TBL1X: variants seen among roughly 807,000 people sequenced by gnomAD.
The protein encoded by TBL1X is transducin beta like 1 X-linked.
TBL1X carries 10 observed loss-of-function variants against 50.7 expected under a neutral mutation model. The ratio of observed to expected loss-of-function variants is 0.20; its 90% CI spans 0.12 to 0.33. The LOEUF is 0.33. TBL1X is among the 10% of genes least tolerant of loss of function. The pLI is 1.00. For synonymous variants in TBL1X, 190 were observed against 214.7 expected (o/e 0.88, Z 1.01); for missense variants, 340 against 504.4 (o/e 0.67, Z 3.12).
chrX:9,604,446 A>T (rs1403477087), intron 2 of TBL1X, among the ~76,000 whole-genome samples: 1 of 110,262 alleles, frequency 9.1e-6, no homozygotes, highest in East Asian at 2.9e-4. Context: ...TGTTCTCTTA[A>T]CAGAAGGGCA....
chrX:9,707,899 T>G (rs2083219554), intron 13 of TBL1X, among the ~76,000 whole-genome samples: 1 of 112,664 alleles, frequency 8.9e-6, no homozygotes, highest in Non-Finnish European at 1.9e-5. Context: ...GATGTGGCCT[T>G]GTCACTGTCC....
At chrX:9,686,389 A>G (rs1402478522) in intron 6 of TBL1X, among the ~76,000 whole-genome samples, 1 of 112,248 alleles carries the variant, frequency 8.9e-6, no homozygotes, top group East Asian at 2.8e-4. Flanking sequence ...ATTTGTCACA[A>G]TGGTTTCTAA....
At chrX:9,556,833 A>G (rs1297693811) in intron 2 of TBL1X, among the ~76,000 whole-genome samples, 1 of 104,374 alleles carries the variant, frequency 9.6e-6, no homozygotes, top group Non-Finnish European at 2.0e-5. Context: ...TTGCTTTCTC[A>G]GTTTCTAGAG....
At chrX:9,519,450 C>A (rs1045777739) in intron 2 of TBL1X, among the ~76,000 whole-genome samples, 1 of 111,231 alleles carries the variant, frequency 9.0e-6, no homozygotes, top group Non-Finnish European at 1.9e-5. Context: ...ATTTCAGTTA[C>A]GTTGTGGGCT....
chrX:9,652,711 C>T (rs192200453), intron 3 of TBL1X, among the ~76,000 whole-genome samples: 4 of 110,895 alleles, frequency 3.6e-5, no homozygotes, highest in African/African-American at 1.3e-4. Flanking sequence ...ATTAGCTGGG[C>T]GTGCTGATGC....
intron 2 of TBL1X, among the ~76,000 whole-genome samples, chrX:9,522,752 T>C: frequency 8.9e-6 from 1 of 111,828 alleles, no homozygotes; most frequent in South Asian, 3.8e-4. Flanking sequence ...TGCCCCCACT[T>C]CTCTGCAGCA....
intron 2 of TBL1X, among the ~76,000 whole-genome samples, chrX:9,531,352 A>AGGG (rs757530571): frequency 1.4e-3 from 45 of 32,446 alleles, no homozygotes; most frequent in African/African-American, 3.3e-3. Flanking sequence ...AAGAACCTGG[A>AGGG]GGGTGTGTGT....
intron 2 of TBL1X, among the ~76,000 whole-genome samples, chrX:9,527,182 C>T (rs1025467329): frequency 2.7e-5 from 3 of 111,875 alleles, no homozygotes; most frequent in Non-Finnish European, 5.6e-5. Flanking sequence ...CGAGAGGGGG[C>T]GCAGTGTGAG....
At chrX:9,684,598 TAAAA>T (rs3043994) in intron 6 of TBL1X, among the ~76,000 whole-genome samples, 2 of 51,286 alleles carry the variant, frequency 3.9e-5, no homozygotes, top group East Asian at 1.1e-3. Flanking sequence ...TCTCTAAAAT[TAAAA>T]AAAAAAAAAA....
At chrX:9,656,848 A>G (rs1018646940) in intron 5 of TBL1X, among the ~76,000 whole-genome samples, 2 of 112,296 alleles carry the variant, frequency 1.8e-5, no homozygotes, top group African/African-American at 6.5e-5. Flanking sequence ...CTCAAGTCCT[A>G]AAGTTTTGGT....
intron 1 of TBL1X, among the ~76,000 whole-genome samples, chrX:9,484,795 A>C (rs1337919419): frequency 9.1e-6 from 1 of 109,313 alleles, no homozygotes; most frequent in Non-Finnish European, 1.9e-5. Context: ...GTTAAAACAC[A>C]GAGCATCCAG....
Position 9,471,989 on chromosome X carries a change from C to T in TBL1X, c.-201+6542C>T, listed in dbSNP as rs1057039651. On this transcript the variant is annotated intron_variant, in intron 1 of 17. Transcript: ENST00000645353. ...GCTCTCTCCTGCCCGGTAACCTTCC[C>T]GGCCAGCTCTCCAAGACGCTGAAAC... Among the ~76,000 whole-genome samples, 11 of 111,158 alleles carry T rather than the reference C, an allele frequency of 9.9e-5. 1 individual carries two copies. Among genetic ancestry groups the T allele is most frequent in the East Asian group, 5.7e-4 (2 of 3,529 alleles).
At chrX:9,494,571 C>CA (rs760204728) in intron 1 of TBL1X, among the ~76,000 whole-genome samples, 3 of 109,778 alleles carry the variant, frequency 2.7e-5, no homozygotes, top group East Asian at 2.8e-4. Context: ...TCTTCAACTT[C>CA]AAAAAAAAAG....
chrX:9,556,820 T>G lies in TBL1X; in HGVS notation c.-131+54971T>G, dbSNP rs538998539. On this transcript the variant is annotated intron_variant, in intron 2 of 17. Transcript: ENST00000645353. ...GTTTTTTGTTTTTGTTTTTGTTTTT[T>G]TTTTGCTTTCTCAGTTTCTAGAGGC... 2.7e-3 allele frequency among the ~76,000 whole-genome samples: 298 copies of G among 109,857 alleles called. 1 individual carries two copies. Among genetic ancestry groups the G allele is most frequent in the African/African-American group, 7.2e-3 (219 of 30,267 alleles).
chrX:9,608,865 T>A (rs2082597550), intron 2 of TBL1X, among the ~76,000 whole-genome samples: 1 of 112,256 alleles, frequency 8.9e-6, no homozygotes, highest in Middle Eastern at 4.6e-3. Context: ...AGGGAGCAGC[T>A]GCCCGCCTTG....
At chrX:9,654,911 G>T (rs955098060) in intron 5 of TBL1X, among the ~76,000 whole-genome samples, 19 of 111,319 alleles carry the variant, frequency 1.7e-4, no homozygotes, top group African/African-American at 6.2e-4. Flanking sequence ...AGAAGCCACG[G>T]AGCCCAGGGC....
intron 1 of TBL1X, among the ~76,000 whole-genome samples, chrX:9,466,043 G>GA (rs1251993643): frequency 8.9e-6 from 1 of 112,964 alleles, no homozygotes; most frequent in African/African-American, 3.2e-5. Flanking sequence ...AGGAAGTCGG[G>GA]AGCCCCAGTC....
chrX:9,664,847 G>T (rs2082917827), intron 5 of TBL1X, among the ~76,000 whole-genome samples: 1 of 110,790 alleles, frequency 9.0e-6, no homozygotes, highest in Admixed American at 9.6e-5. Context: ...TCTTCATCTT[G>T]GGGGGACTGT....
chrX:9,677,196 C>T (rs2082999733), intron 5 of TBL1X, among the ~76,000 whole-genome samples: 1 of 111,518 alleles, frequency 9.0e-6, no homozygotes, highest in African/African-American at 3.3e-5. Flanking sequence ...GCTTTCCAGG[C>T]AGCTGCAGTC....
Sources: gnomAD v4.1 joint callset for allele counts (sites outside exome capture counted in the v4.1 genomes callset) on GRCh38, gnomAD v4.1.1 for gene constraint, MANE v1.5 for transcripts, NCBI Gene and HGNC (gene_info 2026-07-23, HGNC 2026-07-21) for gene names.